CTNND2: variants seen among roughly 807,000 people sequenced by gnomAD.
CTNND2 encodes the protein catenin delta-2.
A neutral mutation model predicts 144.4 loss-of-function variants in CTNND2; 22 were observed. The observed-to-expected ratio is 0.15, with a 90% CI of 0.11 to 0.22. CTNND2 has a LOEUF of 0.22. Among genes scored for constraint, CTNND2 ranks in the 10% least tolerant of loss-of-function variants. The pLI, the probability that CTNND2 is intolerant of heterozygous loss-of-function variation, is 1.00. For synonymous variants in CTNND2, 751 were observed against 695.6 expected (o/e 1.08, Z -1.25); for missense variants, 1,353 against 1,618.8 (o/e 0.84, Z 2.82).
chr5:11,552,044 G>A (rs150894214), intron 3 of CTNND2, among the ~76,000 whole-genome samples: 7 of 152,064 alleles, frequency 4.6e-5, no homozygotes, highest in South Asian at 2.1e-4. Flanking sequence ...TGCTGAACCC[G>A]AACCTGAGCC....
At chr5:11,055,697 G>A (rs950776229) in intron 16 of CTNND2, among the ~76,000 whole-genome samples, 2 of 152,172 alleles carry the variant, frequency 1.3e-5, no homozygotes, top group African/African-American at 4.8e-5. Flanking sequence ...GGTGTGCTGG[G>A]GCATGTGCTA....
At chr5:11,328,690 G>A (rs556556587) in intron 9 of CTNND2, among the ~76,000 whole-genome samples, 1 of 151,912 alleles carries the variant, frequency 6.6e-6, no homozygotes, top group Admixed American at 6.6e-5. Context: ...TTCTCTCAGG[G>A]GCTACCATAC....
At chr5:11,495,643 C>T (rs1769861232) in intron 3 of CTNND2, among the ~76,000 whole-genome samples, 2 of 152,190 alleles carry the variant, frequency 1.3e-5, no homozygotes, top group South Asian at 4.1e-4. Flanking sequence ...GGCATCTTCA[C>T]ATTCCAGGAG....
chr5:11,545,512 A>T (rs909297682), intron 3 of CTNND2, among the ~76,000 whole-genome samples: 1 of 151,360 alleles, frequency 6.6e-6, no homozygotes, highest in African/African-American at 2.4e-5. Flanking sequence ...AATACAAAAA[A>T]TTAGCTGGGC....
chr5:11,391,803 G>T (rs919574900), intron 6 of CTNND2, among the ~76,000 whole-genome samples: 1 of 152,174 alleles, frequency 6.6e-6, no homozygotes, highest in African/African-American at 2.4e-5. Flanking sequence ...TCACCACTGG[G>T]ATCATTACTG....
intron 1 of CTNND2, among the ~76,000 whole-genome samples, chr5:11,870,587 A>AAAAT (rs1162473052): frequency 6.6e-6 from 1 of 152,208 alleles, no homozygotes; most frequent in Non-Finnish European, 1.5e-5. Context: ...AGGAAGTGAA[A>AAAAT]AAATGCATCA....
In CTNND2 at chr5:11,039,489, C is replaced by G. The variant is rs374235445; in HGVS notation, c.2789-16510G>C. 2.6e-4 allele frequency among the ~76,000 whole-genome samples: 39 copies of G among 152,272 alleles called. No individual in the cohort carries two copies. In the East Asian group the frequency reaches 5.0e-3, roughly 20 times the overall value. On this transcript the variant is annotated intron_variant, in intron 16 of 21. Transcript: ENST00000304623. ...CAGTCCCCTTTTCCCAGAAAGGGACCTGTTCATCTCCACATCTGCCCCTTT... is the reference window on the plus strand; with the variant it reads ...CAGTCCCCTTTTCCCAGAAAGGGACGTGTTCATCTCCACATCTGCCCCTTT...
chr5:11,619,534 G>C (rs1044491103), intron 2 of CTNND2, among the ~76,000 whole-genome samples: 3 of 152,138 alleles, frequency 2.0e-5, no homozygotes, highest in African/African-American at 7.2e-5. Context: ...TCATTAATTA[G>C]TCTTTTTAAA....
At chr5:11,236,340 T>C (rs945465948) in intron 10 of CTNND2, among the ~76,000 whole-genome samples, 4 of 152,226 alleles carry the variant, frequency 2.6e-5, no homozygotes, top group Non-Finnish European at 4.4e-5. Context: ...TAACAATTGA[T>C]GTTTAGTATG....
chr5:11,326,889 C>T (rs951499266), intron 9 of CTNND2, among the ~76,000 whole-genome samples: 23 of 152,164 alleles, frequency 1.5e-4, no homozygotes, highest in Admixed American at 9.8e-4. Context: ...TTCTGCATTT[C>T]GAACAGTGAA....
chr5:11,498,347 G>T (rs1770190934), intron 3 of CTNND2, among the ~76,000 whole-genome samples: 1 of 152,092 alleles, frequency 6.6e-6, no homozygotes, highest in Non-Finnish European at 1.5e-5. Context: ...TGATGATTAG[G>T]AGTCAGTGCA....
At chr5:11,351,379 G>A (rs1030487023) in intron 8 of CTNND2, among the ~76,000 whole-genome samples, 4 of 152,050 alleles carry the variant, frequency 2.6e-5, no homozygotes, top group Non-Finnish European at 5.9e-5. Flanking sequence ...TGTATCACTG[G>A]TCTCTTCGGG....
intron 2 of CTNND2, among the ~76,000 whole-genome samples, chr5:11,622,540 G>A (rs77574008): frequency 8.6e-5 from 13 of 152,044 alleles, no homozygotes; most frequent in East Asian, 1.9e-4. Flanking sequence ...TGATTTGGTC[G>A]TATTCCAAAC....
intron 1 of CTNND2, among the ~76,000 whole-genome samples, chr5:11,793,693 T>C (rs184188928): frequency 8.4e-4 from 128 of 152,284 alleles, no homozygotes; most frequent in African/African-American, 2.5e-3. Context: ...AGCTGACACC[T>C]TGATTTCAGA....
intron 14 of CTNND2, among the ~76,000 whole-genome samples, chr5:11,108,504 C>T (rs1752641285): frequency 6.6e-6 from 1 of 152,114 alleles, no homozygotes; most frequent in African/African-American, 2.4e-5. Context: ...ACAGTGCACT[C>T]AGTTGTGAAA....
At chr5:11,179,390 G>A (rs1760789384) in intron 11 of CTNND2, among the ~76,000 whole-genome samples, 1 of 151,904 alleles carries the variant, frequency 6.6e-6, no homozygotes, top group Admixed American at 6.6e-5. Flanking sequence ...CCTAAAACAA[G>A]GTTATCACAG....
At chr5:11,043,599 T>G (rs1744915506) in intron 16 of CTNND2, among the ~76,000 whole-genome samples, 1 of 152,032 alleles carries the variant, frequency 6.6e-6, no homozygotes, top group Non-Finnish European at 1.5e-5. Flanking sequence ...AAGCAAAAAA[T>G]GAGCTTAGAA....
chr5:11,027,677 C>T (rs1011650093), intron 16 of CTNND2, among the ~76,000 whole-genome samples: 3 of 151,960 alleles, frequency 2.0e-5, no homozygotes, highest in African/African-American at 7.3e-5. Flanking sequence ...TTTCTAAATC[C>T]AGATTTTCTT....
intron 13 of CTNND2, among the ~76,000 whole-genome samples, chr5:11,116,259 A>G (rs1362231647): frequency 6.6e-6 from 1 of 152,190 alleles, no homozygotes; most frequent in Non-Finnish European, 1.5e-5. Context: ...TCCCTGCAGG[A>G]CATGTGGCAA....
Sources: gnomAD v4.1 joint callset for allele counts (sites outside exome capture counted in the v4.1 genomes callset) on GRCh38, gnomAD v4.1.1 for gene constraint, MANE v1.5 for transcripts, NCBI Gene and HGNC (gene_info 2026-07-23, HGNC 2026-07-21) for gene names.